HDAC9: variants seen among roughly 807,000 people sequenced by gnomAD.
The protein encoded by HDAC9 is histone deacetylase 9.
Under a neutral mutation model 139.4 loss-of-function variants are expected in HDAC9, and 41 were observed. That is an observed-to-expected ratio of 0.29 (90% CI 0.23 to 0.38). The LOEUF is 0.38. Ranked by LOEUF, HDAC9 falls within the 10% of genes least tolerant of loss-of-function variation. HDAC9 has a pLI of 1.00. For synonymous variants in HDAC9, 517 were observed against 476.2 expected (o/e 1.09, Z -1.12); for missense variants, 1,147 against 1,297.0 (o/e 0.88, Z 1.78).
At chr7:18,864,956 T>TA (rs890849324) in intron 21 of HDAC9, among the ~76,000 whole-genome samples, 16 of 152,232 alleles carry the variant, frequency 1.1e-4, no homozygotes, top group East Asian at 9.6e-4. Flanking sequence ...TTTTAGTTGT[T>TA]AAAAAAAATC....
intron 2 of HDAC9, among the ~76,000 whole-genome samples, chr7:18,534,732 A>G: frequency 6.6e-6 from 1 of 152,138 alleles, no homozygotes; most frequent in East Asian, 1.9e-4. Flanking sequence ...ACTGCACTCG[A>G]TCCACCACTG....
At chr7:18,777,848 C>T (rs1016305316) in intron 16 of HDAC9, among the ~76,000 whole-genome samples, 1 of 151,970 alleles carries the variant, frequency 6.6e-6, no homozygotes, top group South Asian at 2.1e-4. Flanking sequence ...TCCTGATTCT[C>T]ACAGAACCAA....
At chr7:18,912,390 A>G (rs1336251149) in intron 22 of HDAC9, among the ~76,000 whole-genome samples, 4 of 152,150 alleles carry the variant, frequency 2.6e-5, no homozygotes, top group Non-Finnish European at 2.9e-5. Flanking sequence ...AAAGTATCCA[A>G]TAAGTGGGTA....
At position 19,001,638 on chromosome 7, in the gene HDAC9, C is replaced by T. The variant is rs1786756295; in HGVS notation, c.*5576C>T. 1 of 151,550 alleles carries T rather than the reference C, an allele frequency of 6.6e-6. No individual in the cohort carries two copies. The highest frequency in any genetic ancestry group is 1.5e-5 in the Non-Finnish European group (1 of 67,888). The allele number at this position is 151,550 out of a possible 1,614,324, so 9.4% of individuals were successfully genotyped here. On this transcript the variant is annotated 3_prime_UTR_variant, in exon 26 of 26. Transcript: ENST00000686413. Reference sequence around the variant, plus strand: ...ATGTAAGGGTTGTTTTTAGATAAAACTCCCGATTTGTTCTTCCTACACTTT... The same window carrying T: ...ATGTAAGGGTTGTTTTTAGATAAAATTCCCGATTTGTTCTTCCTACACTTT...
intron 1 of HDAC9, among the ~76,000 whole-genome samples, chr7:18,447,323 A>G (rs934650218): frequency 1.3e-5 from 2 of 152,190 alleles, no homozygotes; most frequent in African/African-American, 4.8e-5. Context: ...ACACTTATAT[A>G]TCGCTTACCA....
chr7:18,495,904 A>T lies in HDAC9; in HGVS notation c.-161A>T. The T allele has an allele frequency of 8.4e-7, 1 of 1,191,054 alleles. No individual in the cohort carries two copies. Among genetic ancestry groups the T allele is most frequent in the East Asian group, 3.7e-5 (1 of 26,808 alleles). 73.8% of individuals were successfully genotyped at this position (1,191,054 alleles called of 1,614,324 possible). A position where few individuals can be genotyped will look rare whatever the true frequency, so the allele number is the denominator to read the frequency against. ...GGGTAGACTTAATAATTTTCTACGT[A>T]TTCTGACAAAGAAATAACCCCGAAG... On this transcript the variant is annotated 5_prime_UTR_variant, in exon 1 of 26. Transcript: ENST00000686413.
At chr7:18,198,518 A>G (rs1214054766) in intron 2 of HDAC9, among the ~76,000 whole-genome samples, 1 of 152,112 alleles carries the variant, frequency 6.6e-6, no homozygotes, top group East Asian at 1.9e-4. Context: ...GCATCTCCTC[A>G]TATGTTTCTA....
intron 3 of HDAC9, 31 bp from the exon 4 acceptor site, chr7:18,590,305 G>A (rs1331645221): frequency 1.2e-6 from 2 of 1,608,450 alleles, no homozygotes; most frequent in Non-Finnish European, 8.5e-7. Flanking sequence ...TAAAGAAATT[G>A]CACACTCTCA....
chr7:18,126,826 T>C (rs1405240049), intron 1 of HDAC9, among the ~76,000 whole-genome samples: 1 of 152,150 alleles, frequency 6.6e-6, no homozygotes, highest in Non-Finnish European at 1.5e-5. Context: ...TTAAAGATAG[T>C]AGTAGTTTGA....
At chr7:18,765,042 A>C (rs1789707234) in intron 15 of HDAC9, among the ~76,000 whole-genome samples, 1 of 152,168 alleles carries the variant, frequency 6.6e-6, no homozygotes, top group African/African-American at 2.4e-5. Flanking sequence ...CCTTAGCATT[A>C]ATATTCCTGT....
chr7:18,412,524 T>G lies in HDAC9; in HGVS notation c.-41-83738T>G, dbSNP rs1225880883. The stretch of plus-strand genomic sequence containing the variant: ...TAAATCATTTATTTTTACCATTTAG[T>G]GCCATAGGAATCCTATGATGAAGAC... On this transcript the variant is annotated intron_variant, in intron 1 of 3. Transcript: ENST00000413509. Among the ~76,000 whole-genome samples the G allele has an allele frequency of 2.0e-5, 3 of 152,266 alleles. No individual in the cohort carries two copies. In the East Asian group the frequency reaches 5.8e-4, roughly 29 times the overall value.
chr7:18,656,606 A>G (rs1179086392), intron 11 of HDAC9, among the ~76,000 whole-genome samples: 2 of 152,126 alleles, frequency 1.3e-5, no homozygotes, highest in African/African-American at 2.4e-5. Context: ...TAAACAGCAA[A>G]TTTTTGAGGT....
At chr7:18,340,990 C>T (rs980834735) in intron 1 of HDAC9, among the ~76,000 whole-genome samples, 5 of 151,322 alleles carry the variant, frequency 3.3e-5, no homozygotes, top group African/African-American at 1.2e-4. Flanking sequence ...GTATAGAATC[C>T]CAAGTTGACT....
chr7:18,759,708 C>T (rs995879018), intron 14 of HDAC9, among the ~76,000 whole-genome samples: 14 of 152,280 alleles, frequency 9.2e-5, no homozygotes, highest in African/African-American at 3.4e-4. Context: ...AGATTGGAAA[C>T]CGCTGTTCTT....
intron 24 of HDAC9, among the ~76,000 whole-genome samples, chr7:18,967,240 A>G (rs1291319802): frequency 6.6e-6 from 1 of 152,246 alleles, no homozygotes; most frequent in East Asian, 1.9e-4. Flanking sequence ...GTAACACTCC[A>G]TGAAGCATTA....
In HDAC9 at chr7:18,648,525, A is replaced by C; in HGVS notation, c.1309A>C (p.Ile437Leu). Reference sequence around the variant, plus strand: ...AACAAAAGAGAGAATTTCACCTGGCATTAGAGGTACCCACAAATTGCCCCG... The same window carrying C: ...AACAAAAGAGAGAATTTCACCTGGCCTTAGAGGTACCCACAAATTGCCCCG... The part of the protein sequence containing the change: ...LATKERISPG[I>L]RGTHKLPRHR... Residue 437 changes from isoleucine (I) to leucine (L), a missense_variant, in exon 11 of 26, where the codon ATT becomes CTT. Transcript: ENST00000686413. 6.2e-7 allele frequency: 1 copy of C among 1,613,470 alleles called. No individual in the cohort carries two copies. Among genetic ancestry groups the C allele is most frequent in the South Asian group, 1.1e-5 (1 of 91,068 alleles).
At chr7:18,535,652 A>T (rs1810617181) in intron 2 of HDAC9, among the ~76,000 whole-genome samples, 1 of 150,632 alleles carries the variant, frequency 6.6e-6, no homozygotes, top group Non-Finnish European at 1.5e-5. Flanking sequence ...AGTATCAGAA[A>T]TGGCTTTGAA....
At chr7:18,286,091 C>T (rs761074692), upstream of HDAC9, among the ~76,000 whole-genome samples, 16 of 151,848 alleles carry the variant, frequency 1.1e-4, no homozygotes, top group Non-Finnish European at 2.1e-4. Flanking sequence ...AGATTTAGTT[C>T]ACAAACTGTA....
At chr7:18,907,079 A>T (rs1369184818) in intron 22 of HDAC9, 1 of 152,248 alleles carries the variant, frequency 6.6e-6, no homozygotes, top group African/African-American at 2.4e-5. Flanking sequence ...ATCCAAAAGC[A>T]TAGAAACCAC....
Sources: gnomAD v4.1 joint callset for allele counts (sites outside exome capture counted in the v4.1 genomes callset) on GRCh38, gnomAD v4.1.1 for gene constraint, MANE v1.5 for transcripts, NCBI Gene and HGNC (gene_info 2026-07-23, HGNC 2026-07-21) for gene names.